The following DGKQ variants were observed in gnomAD, a reference collection of about 807,000 sequenced individuals.
DGKQ encodes the protein diacylglycerol kinase theta, also known as DAG kinase theta.
In DGKQ, 97 loss-of-function variants were observed where a neutral mutation model predicts 104.2. The observed-to-expected ratio is 0.93, with a 90% CI of 0.79 to 1.10. DGKQ has a LOEUF of 1.10. Among genes scored for constraint, DGKQ ranks in the 50% least tolerant of loss-of-function variants. The pLI, the probability that DGKQ is intolerant of heterozygous loss-of-function variation, is 0.00. For missense variants in DGKQ, 1,465 were observed against 1,352.1 expected (o/e 1.08, Z -1.31); for synonymous variants, 736 against 595.2 (o/e 1.24, Z -3.44).
In DGKQ at chr4:965,994, C is replaced by T. The variant is rs1378377650; in HGVS notation, c.1513G>A (p.Gly505Ser). ...TCGGGAGACAGGCCGGGAGGCAGGC[C>T]GCCAACAAACAGGGAGACGTGCGGG... ...VAPHVSLFVG[G>S]LPPGLSPEEY... is the part of the protein sequence containing the mutation. The change falls in exon 13 of 23, where the codon GGC becomes AGC. Residue 505 changes from glycine (G) to serine (S), a missense_variant. By Grantham distance (56) the Gly-to-Ser change is moderately conservative. Transcript: ENST00000273814. 1.4e-5 allele frequency: 22 copies of T among 1,605,412 alleles called. No homozygotes were observed. The highest frequency in any genetic ancestry group is 2.7e-5 in the African/African-American group (2 of 74,848).
intron 22 of DGKQ, 87 bp downstream of exon 22, chr4:960,962 C>A: frequency 6.4e-7 from 1 of 1,562,708 alleles, no homozygotes. Flanking sequence ...GCCGGCCATG[C>A]CAGCACCACC....
intron 15 of DGKQ, among the ~76,000 whole-genome samples, chr4:963,518 G>A (rs1712051928): frequency 6.6e-6 from 1 of 152,206 alleles, no homozygotes; most frequent in South Asian, 2.1e-4. Context: ...CAGCCGGCTG[G>A]CTGCCTGGCA....
At position 971,058 on chromosome 4, in the gene DGKQ, A is replaced by C; in HGVS notation, c.286T>G (p.Ser96Ala). 6.4e-7 allele frequency: 1 copy of C among 1,557,956 alleles called. No individual in the cohort carries two copies. The highest frequency in any genetic ancestry group is 8.7e-7 in the Non-Finnish European group (1 of 1,150,282). The change falls in exon 2 of 23, where the codon TCT (serine) becomes GCT (alanine). Residue 96 changes from serine to alanine, a missense_variant. Coordinates refer to ENST00000273814, the MANE Select transcript of DGKQ (RefSeq NM_001347.4). The surrounding 1 kb of genome is among the most constrained non-coding windows in gnomAD (Gnocchi z 4.0). ...ACGTGCTTCAGGCACTTCTCATGAG[A>C]CATGAAATTGCAGACTGTGGGAATG... ...GFLCDVCNFM[S>A]HEKCLKHVRI...
chr4:967,146 G>C lies in DGKQ; in HGVS notation c.1203C>G (p.Ile401Met). ...ALPRAQEVLK[I>M]YPGWLKVGVA... is the part of the protein sequence containing the mutation. ...AGTCTCACTTGAGCCAGCCAGGGTA[G>C]ATCTTCAGGACCTCCTGGGCCCGCG... The change falls in exon 9 of 23, where the codon ATC (isoleucine) becomes ATG (methionine). Residue 401 changes from isoleucine to methionine, a missense_variant. By Grantham distance (10) the Ile-to-Met change is conservative. Coordinates refer to ENST00000273814, the MANE Select transcript of DGKQ (RefSeq NM_001347.4). 2 of 1,596,512 alleles carry C rather than the reference G, an allele frequency of 1.3e-6. No homozygotes were observed. Among genetic ancestry groups the C allele is most frequent in the Non-Finnish European group, 1.7e-6 (2 of 1,171,874 alleles).
chr4:967,606 T>C lies in DGKQ; in HGVS notation c.930A>G (p.Arg310=). The C allele has an allele frequency of 6.2e-7, 1 of 1,612,572 alleles. No homozygotes were observed. Among genetic ancestry groups the C allele is most frequent in the Non-Finnish European group, 8.5e-7 (1 of 1,179,840 alleles). ...CCGTGACGAGGCGGAACTGGCTTCT[T>C]CTCACCGCGTCGTCGCCATCAAAGA... ...LKIFDGDDAV[R]RSQFRLVTVS... The change falls in exon 8 of 23, where the codon AGA becomes AGG. Residue 310 remains arginine, a synonymous_variant. Coordinates refer to ENST00000273814, the MANE Select transcript of DGKQ (RefSeq NM_001347.4).
In DGKQ at chr4:968,005, G is replaced by A. The variant is rs1165489190; in HGVS notation, c.686C>T (p.Ala229Val). ...CCCGAAGCCACACTCGGGAGCCAGCGCCGCGGAGCAGAGGGAGTGCGCCTG... is the reference window on the plus strand; with the variant it reads ...CCCGAAGCCACACTCGGGAGCCAGCACCGCGGAGCAGAGGGAGTGCGCCTG... ...GVQAHSLCSA[A>V]LAPECGFGRL... Residue 229 changes from alanine (A) to valine (V), a missense_variant, in exon 6 of 23, where the codon GCG becomes GTG. Transcript: ENST00000273814. 4.8e-6 allele frequency: 7 copies of A among 1,454,216 alleles called. No individual in the cohort carries two copies. Among genetic ancestry groups the A allele is most frequent in the Middle Eastern group, 4.5e-4 (2 of 4,398 alleles). The allele number at this position is 1,454,216 out of a possible 1,614,324, so 90.1% of individuals were successfully genotyped here.
In DGKQ at chr4:971,428, CTCGGCCT is replaced by C. The variant is rs1163634246; in HGVS notation, c.272-363_272-357del. On this transcript the variant is annotated intron_variant, in intron 1 of 22. Coordinates refer to ENST00000273814, the MANE Select transcript of DGKQ (RefSeq NM_001347.4). The surrounding 1 kb of genome is among the most constrained non-coding windows in gnomAD (Gnocchi z 4.0). ...CAGGTTCGCCAGGTGGCAGGGGCTT[CTCGGCCT>C]TCGGCAGATTGGCTTTACCAAGGAC... 1.3e-5 allele frequency among the ~76,000 whole-genome samples: 2 copies of C among 152,216 alleles called. No homozygotes were observed. The highest frequency in any genetic ancestry group is 2.9e-5 in the Non-Finnish European group (2 of 68,024).
intron 18 of DGKQ, 34 bp downstream of exon 18, chr4:962,401 C>G: frequency 6.6e-7 from 1 of 1,525,964 alleles, no homozygotes; most frequent in Non-Finnish European, 8.8e-7. Context: ...TATGCAGGAG[C>G]CTGGAAGGCA....
rs1378451871 is a variant in DGKQ at position 973,534 on chromosome 4, G to C, written c.-52C>G. On this transcript the variant is annotated 5_prime_UTR_variant, in exon 1 of 23. Coordinates refer to ENST00000273814, the MANE Select transcript of DGKQ (RefSeq NM_001347.4). ...TTAGGTCCGCGCCGGGGGTACAGGA[G>C]CCGCCGCTCCACGGCCCGGTACACT... 2 of 984,496 alleles carry C rather than the reference G, an allele frequency of 2.0e-6. No individual in the cohort carries two copies. Among genetic ancestry groups the C allele is most frequent in the Admixed American group, 6.2e-5 (1 of 16,214 alleles). 61.0% of individuals were successfully genotyped at this position (984,496 alleles called of 1,614,324 possible). A position where few individuals can be genotyped will look rare whatever the true frequency, so the allele number is the denominator to read the frequency against.
intron 7 of DGKQ, 25 bp from the exon 8 acceptor site, chr4:967,674 C>G (rs1712517214): frequency 6.2e-7 from 1 of 1,612,296 alleles, no homozygotes; most frequent in South Asian, 1.1e-5. Context: ...CTCCGTGAGT[C>G]CCGGGCGCCC....
At position 967,579 on chromosome 4, in the gene DGKQ, C is replaced by T; in HGVS notation, c.957G>A (p.Val319=). The change falls in exon 8 of 23, where the codon GTG becomes GTA. Residue 319 remains valine, a synonymous_variant. Transcript: ENST00000273814. Reference sequence around the variant, plus strand: ...CCTCCTCGGCACCGGCCAGGCGGGACACCGTGACGAGGCGGAACTGGCTTC... The same window carrying T: ...CCTCCTCGGCACCGGCCAGGCGGGATACCGTGACGAGGCGGAACTGGCTTC... ...VRRSQFRLVT[V]SRLAGAEEVL... is the part of the protein sequence containing the mutation. 1 of 1,612,660 alleles carries T rather than the reference C, an allele frequency of 6.2e-7. No individual in the cohort carries two copies. The highest frequency in any genetic ancestry group is 8.5e-7 in the Non-Finnish European group (1 of 1,179,864).
chr4:962,304 C>T, intron 18 of DGKQ, 131 bp downstream of exon 18: 1 of 1,050,512 alleles, frequency 9.5e-7, no homozygotes, highest in Non-Finnish European at 1.4e-6. Flanking sequence ...CCCTCAACTG[C>T]CCGCTTTGCA....
chr4:965,983 G>T lies in DGKQ; in HGVS notation c.1524C>A (p.Pro508=). The change falls in exon 13 of 23, where the codon CCC becomes CCA. Residue 508 remains proline, a synonymous_variant. Coordinates refer to ENST00000273814, the MANE Select transcript of DGKQ (RefSeq NM_001347.4). ...HVSLFVGGLP[P]GLSPEEYSSL... Reference sequence around the variant, plus strand: ...TGCTGTACTCCTCGGGAGACAGGCCGGGAGGCAGGCCGCCAACAAACAGGG... The same window carrying T: ...TGCTGTACTCCTCGGGAGACAGGCCTGGAGGCAGGCCGCCAACAAACAGGG... 1.2e-6 allele frequency: 2 copies of T among 1,605,466 alleles called. No homozygotes were observed.
In DGKQ at chr4:965,966, T is replaced by C; in HGVS notation, c.1541A>G (p.Glu514Gly). 6.2e-7 allele frequency: 1 copy of C among 1,605,520 alleles called. No homozygotes were observed. The highest frequency in any genetic ancestry group is 1.1e-5 in the South Asian group (1 of 89,590). ...GGLPPGLSPE[E>G]YSSLLHEAGA... Reference sequence around the variant, plus strand: ...GGCCTCATGCAGCAGGCTGCTGTACTCCTCGGGAGACAGGCCGGGAGGCAG... The same window carrying C: ...GGCCTCATGCAGCAGGCTGCTGTACCCCTCGGGAGACAGGCCGGGAGGCAG... Residue 514 changes from glutamate (E) to glycine (G), a missense_variant, in exon 13 of 23, where the codon GAG becomes GGG. By Grantham distance (98) the Glu-to-Gly change is moderately conservative. Transcript: ENST00000273814.
rs150502750 is a variant in DGKQ, at chr4:962,053, A to C, written c.2244T>G (p.Ile748Met). The C allele has an allele frequency of 6.2e-7, 1 of 1,612,592 alleles. No individual in the cohort carries two copies. The highest frequency in any genetic ancestry group is 8.5e-7 in the Non-Finnish European group (1 of 1,179,944). The change falls in exon 19 of 23, where the codon ATT becomes ATG. Residue 748 changes from isoleucine (I) to methionine (M), a missense_variant. Physicochemically the swap from Ile to Met is conservative, Grantham distance 10 (BLOSUM62 1). Coordinates refer to ENST00000273814, the MANE Select transcript of DGKQ (RefSeq NM_001347.4). ...KIVQMSNYCG[I>M]GIDAELSLDF... ...CCAGGCTCAGCTCCGCGTCGATGCC[A>C]ATGCCACAGTAGTTACTCATCTGCA... is the stretch of plus-strand genomic sequence containing the variant.
rs540437708 is a variant in DGKQ, at chr4:966,795, C to G, written c.1319G>C (p.Ser440Thr). 3.1e-6 allele frequency: 5 copies of G among 1,609,736 alleles called. No individual in the cohort carries two copies. The highest frequency in any genetic ancestry group is 2.7e-5 in the African/African-American group (2 of 74,882). The change falls in exon 11 of 23, where the codon AGT (serine) becomes ACT (threonine). Residue 440 changes from serine (S) to threonine (T), a missense_variant. Transcript: ENST00000273814. Reference protein sequence around the residue: ...VLPLLGRQAESPESFQLVEVA... With the variant: ...VLPLLGRQAETPESFQLVEVA... Reference sequence around the variant, plus strand: ...CTCCACCAGCTGGAAGCTCTCGGGACTCTCGGCCTGTTGGGGTAGAGCTTG... The same window carrying G: ...CTCCACCAGCTGGAAGCTCTCGGGAGTCTCGGCCTGTTGGGGTAGAGCTTG...
At position 966,900 on chromosome 4, in the gene DGKQ, C is replaced by A; in HGVS notation, c.1311+64G>T. 7 of 1,549,702 alleles carry A rather than the reference C, an allele frequency of 4.5e-6. No individual in the cohort carries two copies. In the Middle Eastern group the frequency reaches 6.9e-4, roughly 152 times the overall value. ...GCCTGGGCTGGGATGGTGGCCTGGC[C>A]TCCTGGGGACAGCGACCCCCCACCG... On this transcript the variant is annotated intron_variant, in intron 10 of 22. Coordinates refer to ENST00000273814, the MANE Select transcript of DGKQ (RefSeq NM_001347.4).
chr4:961,874 C>T, intron 19 of DGKQ, 40 bp from the exon 20 acceptor site: 1 of 1,595,180 alleles, frequency 6.3e-7, no homozygotes, highest in Non-Finnish European at 8.5e-7. Context: ...AGGGGAAGCC[C>T]TACCCCGCCT....
At chr4:961,423 GAC>G (rs897348508) in intron 21 of DGKQ, 42 bp downstream of exon 21, 3 of 1,542,020 alleles carry the variant, frequency 1.9e-6, no homozygotes, top group African/African-American at 2.7e-5. Context: ...GGGGACCGGG[GAC>G]GCCCACCCTG....
Sources: gnomAD v4.1 joint callset for allele counts (sites outside exome capture counted in the v4.1 genomes callset) on GRCh38, gnomAD v4.1.1 for gene constraint, Gnocchi (gnomAD v3.1) non-coding constraint, MANE v1.5 for transcripts, NCBI Gene and HGNC (gene_info 2026-07-23, HGNC 2026-07-21) for gene names.